ANKRD50: variants seen among roughly 807,000 people sequenced by gnomAD.
ANKRD50 encodes the protein ankyrin repeat domain 50.
A neutral mutation model predicts 112.0 loss-of-function variants in ANKRD50; 40 were observed. The observed-to-expected ratio is 0.36, with a 90% CI of 0.28 to 0.46. The LOEUF is 0.46. Ranked by LOEUF, ANKRD50 falls within the 20% of genes least tolerant of loss-of-function variation. ANKRD50 has a pLI of 1.00. For missense variants in ANKRD50, 1,487 were observed against 1,701.7 expected (o/e 0.87, Z 2.22); for synonymous variants, 613 against 619.1 (o/e 0.99, Z 0.15).
chr4:124,701,853 C>T (rs1352039917), intron 2 of ANKRD50, among the ~76,000 whole-genome samples: 1 of 151,928 alleles, frequency 6.6e-6, no homozygotes, highest in Non-Finnish European at 1.5e-5. Flanking sequence ...ATCTAGTTAC[C>T]TTATTTCATA....
At chr4:124,694,734 C>T (rs985726716) in intron 2 of ANKRD50, among the ~76,000 whole-genome samples, 4 of 152,058 alleles carry the variant, frequency 2.6e-5, no homozygotes, top group African/African-American at 4.8e-5. Context: ...TTTACAAAAT[C>T]GTTAGTATCA....
At chr4:124,685,688 G>A (rs1321256823) in intron 2 of ANKRD50, among the ~76,000 whole-genome samples, 1 of 152,054 alleles carries the variant, frequency 6.6e-6, no homozygotes, top group Non-Finnish European at 1.5e-5. Context: ...CTTTGTATGT[G>A]TATCTTAACT....
intron 1 of ANKRD50, among the ~76,000 whole-genome samples, 172 bp downstream of exon 1, chr4:124,712,286 C>T (rs942421880): frequency 1.3e-5 from 2 of 152,038 alleles, no homozygotes; most frequent in African/African-American, 2.4e-5. Flanking sequence ...CGCCCCATGC[C>T]CCGCTCCCGC....
Position 124,669,576 on chromosome 4 carries a change from G to A in ANKRD50, c.3701C>T (p.Ser1234Phe). Residue 1234 changes from serine to phenylalanine, a missense_variant, in exon 4 of 5, where the codon TCC (serine) becomes TTC (phenylalanine). Transcript: ENST00000504087. ...PRSRSRQSIV[S>F]PSSTTQSLGQ... ...TAAGGACTGTGTTGTGGAAGATGGGGAAACAATTGACTGTCGACTTCTACT... is the reference window on the plus strand; with the variant it reads ...TAAGGACTGTGTTGTGGAAGATGGGAAAACAATTGACTGTCGACTTCTACT... The A allele has an allele frequency of 1.2e-6, 2 of 1,613,288 alleles. No individual in the cohort carries two copies. The highest frequency in any genetic ancestry group is 1.7e-6 in the Non-Finnish European group (2 of 1,179,804).
At chr4:124,693,576 A>G (rs1354928731) in intron 2 of ANKRD50, among the ~76,000 whole-genome samples, 2 of 152,140 alleles carry the variant, frequency 1.3e-5, no homozygotes, top group Non-Finnish European at 2.9e-5. Flanking sequence ...TACCCCTTAT[A>G]CTACGCTAAA....
intron 2 of ANKRD50, among the ~76,000 whole-genome samples, chr4:124,698,379 TTTA>T (rs1201045090): frequency 3.2e-4 from 49 of 151,764 alleles, no homozygotes; most frequent in Non-Finnish European, 5.7e-4. Flanking sequence ...ATATATGTTA[TTTA>T]TTTTTATTTA....
chr4:124,683,219 TTAA>T (rs1371975177), intron 2 of ANKRD50, among the ~76,000 whole-genome samples: 2 of 151,692 alleles, frequency 1.3e-5, no homozygotes, highest in Non-Finnish European at 2.9e-5. Flanking sequence ...ATAATAGTGA[TTAA>T]TGTTATTTAC....
At chr4:124,703,918 G>T (rs890634298) in intron 2 of ANKRD50, among the ~76,000 whole-genome samples, 4 of 152,106 alleles carry the variant, frequency 2.6e-5, no homozygotes, top group African/African-American at 9.7e-5. Flanking sequence ...AGAGGTTGAG[G>T]ACTGGTTCAG....
At chr4:124,692,228 C>T (rs1725155178) in intron 2 of ANKRD50, among the ~76,000 whole-genome samples, 4 of 152,156 alleles carry the variant, frequency 2.6e-5, no homozygotes, top group Admixed American at 6.5e-5. Flanking sequence ...TTTTGGATAA[C>T]GTATACTCAA....
At chr4:124,675,697 A>G (rs1240430945) in intron 3 of ANKRD50, among the ~76,000 whole-genome samples, 1 of 151,826 alleles carries the variant, frequency 6.6e-6, no homozygotes, top group Non-Finnish European at 1.5e-5. Flanking sequence ...TTATAATCAG[A>G]TAAAATAAAC....
chr4:124,700,844 T>C (rs969836647), intron 2 of ANKRD50, among the ~76,000 whole-genome samples: 1 of 152,210 alleles, frequency 6.6e-6, no homozygotes, highest in Non-Finnish European at 1.5e-5. Flanking sequence ...GTCCTTCTCA[T>C]TGTGGTGGCA....
Position 124,670,841 on chromosome 4 carries a change from A to G in ANKRD50, c.2436T>C (p.Ser812=). 2 of 1,613,788 alleles carry G rather than the reference A, an allele frequency of 1.2e-6. No individual in the cohort carries two copies. The highest frequency in any genetic ancestry group is 1.7e-6 in the Non-Finnish European group (2 of 1,179,854). ...FWGAAVDSID[S]EGRTVLSIAS... is the part of the protein sequence containing the mutation. ...CTATACTGAGGACTGTCCTACCTTC[A>G]CTATCAATACTATCCACAGCTGCAC... is the stretch of plus-strand genomic sequence containing the variant. The change falls in exon 4 of 5, where the codon AGT becomes AGC. Residue 812 remains serine (S), a synonymous_variant. Transcript: ENST00000504087.
chr4:124,701,520 T>A (rs1361653028), intron 2 of ANKRD50, among the ~76,000 whole-genome samples: 1 of 152,024 alleles, frequency 6.6e-6, no homozygotes, highest in African/African-American at 2.4e-5. Context: ...TATACTTAGC[T>A]AAAATGTGTA....
chr4:124,698,521 T>A (rs1441404026), intron 2 of ANKRD50, among the ~76,000 whole-genome samples: 2 of 151,948 alleles, frequency 1.3e-5, no homozygotes, highest in Non-Finnish European at 2.9e-5. Flanking sequence ...TGTGAAATGG[T>A]CAAGTAGGTG....
rs755873073 is a variant in ANKRD50 at position 124,672,205 on chromosome 4, G to C, written c.1072C>G (p.Leu358Val). 1 of 1,613,844 alleles carries C rather than the reference G, an allele frequency of 6.2e-7. No homozygotes were observed. Among genetic ancestry groups the C allele is most frequent in the South Asian group, 1.1e-5 (1 of 91,076 alleles). ...AKVQPILNVI[L>V]AACRPLTITE... ...ATGGTCAAAGGTCGGCAGGCTGCAA[G>C]AATCACATTCAAAATAGGCTGAACC... The change falls in exon 4 of 5, where the codon CTT becomes GTT. Residue 358 changes from leucine (L) to valine (V), a missense_variant. By Grantham distance (32) the Leu-to-Val change is conservative (BLOSUM62 1). Coordinates refer to ENST00000504087, the MANE Select transcript of ANKRD50 (RefSeq NM_020337.3).
chr4:124,693,182 G>A (rs1725174170), intron 2 of ANKRD50, among the ~76,000 whole-genome samples: 2 of 152,174 alleles, frequency 1.3e-5, no homozygotes, highest in Admixed American at 6.5e-5. Flanking sequence ...GGCTAAACCA[G>A]GCAAGTGATG....
rs1353954521 is a variant in ANKRD50, at chr4:124,707,848, A to G, written c.512+2152T>C. 2.0e-5 allele frequency among the ~76,000 whole-genome samples: 3 copies of G among 152,180 alleles called. No homozygotes were observed. The East Asian group carries it at 5.8e-4, about 29-fold the overall frequency. On this transcript the variant is annotated intron_variant, in intron 2 of 4. Coordinates refer to ENST00000504087, the MANE Select transcript of ANKRD50 (RefSeq NM_020337.3). ...ACACAGGAAAAAGAAAAAATAAAAGAAACAATTGAATAAAAGAATTATTTT... is the reference window on the plus strand; with the variant it reads ...ACACAGGAAAAAGAAAAAATAAAAGGAACAATTGAATAAAAGAATTATTTT...
chr4:124,673,392 G>C (rs1730704397), intron 3 of ANKRD50, among the ~76,000 whole-genome samples: 2 of 152,006 alleles, frequency 1.3e-5, no homozygotes, highest in Non-Finnish European at 2.9e-5. Flanking sequence ...TTTGCATTTT[G>C]AAGGAATATT....
chr4:124,679,284 A>C (rs1161171682), intron 2 of ANKRD50, among the ~76,000 whole-genome samples: 4 of 152,216 alleles, frequency 2.6e-5, no homozygotes, highest in African/African-American at 9.6e-5. Context: ...GGAAAACAAA[A>C]CAAACTCTGG....
Sources: gnomAD v4.1 joint callset for allele counts (sites outside exome capture counted in the v4.1 genomes callset) on GRCh38, gnomAD v4.1.1 for gene constraint, MANE v1.5 for transcripts, NCBI Gene and HGNC (gene_info 2026-07-23, HGNC 2026-07-21) for gene names.